The following SORCS1 variants were observed in gnomAD, a reference collection of about 807,000 sequenced individuals.
SORCS1 encodes the protein VPS10 domain-containing receptor SorCS1.
In SORCS1, 60 loss-of-function variants were observed where a neutral mutation model predicts 146.1. The ratio of observed to expected loss-of-function variants is 0.41; its 90% CI spans 0.33 to 0.51. SORCS1 has a LOEUF of 0.51. Among genes scored for constraint, SORCS1 ranks in the 20% least tolerant of loss-of-function variants. SORCS1 has a pLI of 0.21. For missense variants in SORCS1, 1,352 were observed against 1,487.6 expected, an observed-to-expected ratio of 0.91 and a Z score of 1.50; for synonymous variants, 637 against 584.0, an observed-to-expected ratio of 1.09 and a Z score of -1.31.
intron 1 of SORCS1, among the ~76,000 whole-genome samples, chr10:107,056,937 C>T (rs1408952767): frequency 3.9e-5 from 6 of 152,214 alleles, no homozygotes; most frequent in Non-Finnish European, 7.3e-5. Context: ...TTATGCCTGT[C>T]CCCCTTTCAG....
At chr10:106,824,404 A>G (rs1472672225) in intron 3 of SORCS1, among the ~76,000 whole-genome samples, 1 of 151,986 alleles carries the variant, frequency 6.6e-6, no homozygotes, top group African/African-American at 2.4e-5. Flanking sequence ...AGCCTGGCCA[A>G]GATGGTAAAA....
intron 4 of SORCS1, among the ~76,000 whole-genome samples, chr10:106,772,172 G>A (rs1185881059): frequency 2.6e-5 from 4 of 152,162 alleles, no homozygotes; most frequent in Non-Finnish European, 5.9e-5. Flanking sequence ...ATCCTTGGAG[G>A]TGTTGAATAG....
chr10:106,905,423 A>T (rs1951869824), intron 2 of SORCS1, among the ~76,000 whole-genome samples: 1 of 152,208 alleles, frequency 6.6e-6, no homozygotes, highest in Non-Finnish European at 1.5e-5. Context: ...AAATATAATA[A>T]AGAAAAATTT....
At chr10:107,008,465 T>C (rs1957546943) in intron 1 of SORCS1, among the ~76,000 whole-genome samples, 1 of 152,234 alleles carries the variant, frequency 6.6e-6, no homozygotes, top group Non-Finnish European at 1.5e-5. Context: ...TTGTAGCATT[T>C]AAGATAAATG....
intron 2 of SORCS1, among the ~76,000 whole-genome samples, chr10:106,940,081 G>A (rs774906513): frequency 6.6e-6 from 1 of 152,178 alleles, no homozygotes; most frequent in Non-Finnish European, 1.5e-5. Flanking sequence ...CATTAGATAA[G>A]CTTCCAGCAC....
chr10:106,592,710 G>C (rs1175988152), intron 24 of SORCS1, among the ~76,000 whole-genome samples: 2 of 151,718 alleles, frequency 1.3e-5, no homozygotes, highest in Non-Finnish European at 2.9e-5. Context: ...CCTACAGGGG[G>C]GATGAGAGAA....
chr10:107,051,177 T>C (rs757665150), intron 1 of SORCS1, among the ~76,000 whole-genome samples: 25 of 152,064 alleles, frequency 1.6e-4, no homozygotes, highest in African/African-American at 2.2e-4. Flanking sequence ...CACAAGTAAA[T>C]AGAAACAATA....
chr10:107,085,548 A>C (rs535090778), intron 1 of SORCS1, among the ~76,000 whole-genome samples: 1 of 152,312 alleles, frequency 6.6e-6, no homozygotes, highest in African/African-American at 2.4e-5. Context: ...TAACATCCTC[A>C]TTAAAGGCTA....
chr10:106,727,948 G>A (rs748622848), intron 6 of SORCS1, among the ~76,000 whole-genome samples: 11 of 152,234 alleles, frequency 7.2e-5, no homozygotes, highest in Non-Finnish European at 1.5e-4. Flanking sequence ...AGATTAGGCT[G>A]AGGGAATGGG....
At chr10:106,877,705 A>C (rs2137665376) in intron 2 of SORCS1, among the ~76,000 whole-genome samples, 1 of 152,266 alleles carries the variant, frequency 6.6e-6, no homozygotes, top group South Asian at 2.1e-4. Context: ...TCCCTCGGGG[A>C]AGCCACACTC....
intron 3 of SORCS1, among the ~76,000 whole-genome samples, chr10:106,826,229 T>C (rs1589486075): frequency 1.3e-5 from 2 of 152,244 alleles, no homozygotes; most frequent in African/African-American, 4.8e-5. Flanking sequence ...TTTCCGGGAA[T>C]GCTGAGAGTT....
intron 25 of SORCS1, chr10:106,578,921 G>A (rs1036203137): frequency 3.5e-6 from 5 of 1,423,096 alleles, no homozygotes; most frequent in Middle Eastern, 2.6e-4. Flanking sequence ...AGGTTTGTTT[G>A]TTTTTCCCCC....
At chr10:106,818,589 C>G (rs1213450672) in intron 3 of SORCS1, among the ~76,000 whole-genome samples, 1 of 152,142 alleles carries the variant, frequency 6.6e-6, no homozygotes, top group African/African-American at 2.4e-5. Context: ...TAGTCTCGAT[C>G]TCTTGACCTG....
intron 5 of SORCS1, among the ~76,000 whole-genome samples, chr10:106,761,090 G>A (rs891515533): frequency 6.6e-6 from 1 of 152,060 alleles, no homozygotes; most frequent in African/African-American, 2.4e-5. Flanking sequence ...CTGGGTGACA[G>A]AGTGAGACTG....
intron 18 of SORCS1, among the ~76,000 whole-genome samples, chr10:106,648,152 T>C (rs1849591167): frequency 2.0e-5 from 3 of 152,164 alleles, no homozygotes; most frequent in Admixed American, 2.0e-4. Flanking sequence ...ACCATTCCTA[T>C]ATCTACCATT....
At chr10:106,998,676 A>G (rs899913931) in intron 1 of SORCS1, among the ~76,000 whole-genome samples, 1 of 152,236 alleles carries the variant, frequency 6.6e-6, no homozygotes, top group Non-Finnish European at 1.5e-5. Flanking sequence ...TTCTCCAGTA[A>G]ATCAAACTGA....
chr10:106,631,587 G>C (rs193141795), intron 18 of SORCS1, among the ~76,000 whole-genome samples: 7 of 152,272 alleles, frequency 4.6e-5, no homozygotes, highest in Middle Eastern at 3.4e-3. Context: ...ACTAGAGAGG[G>C]GGGAGGACAT....
chr10:107,138,060 CAAT>C (rs1967482030), intron 1 of SORCS1, among the ~76,000 whole-genome samples: 1 of 152,050 alleles, frequency 6.6e-6, no homozygotes, highest in African/African-American at 2.4e-5. Context: ...ATTATTATCA[CAAT>C]AATCACAGCC....
Position 106,917,272 on chromosome 10 carries a change from C to A in SORCS1, c.626+39241G>T, listed in dbSNP as rs554004069. Among the ~76,000 whole-genome samples the A allele has an allele frequency of 7.6e-4, 115 of 152,148 alleles. 1 individual carries two copies. The highest frequency in any genetic ancestry group is 1.5e-3 in the Non-Finnish European group (100 of 68,042). On this transcript the variant is annotated intron_variant, in intron 2 of 25. Coordinates refer to ENST00000263054, the MANE Select transcript of SORCS1 (RefSeq NM_052918.5). ...CTTGTGTTTCTTGATAAACTCTAAG[C>A]TTCTTGAGGACTGGCACTACATCTA...
Sources: allele counts gnomAD v4.1 joint callset (sites outside exome capture counted in the v4.1 genomes callset), GRCh38; gene constraint gnomAD v4.1.1; transcripts MANE v1.5; gene names NCBI Gene and HGNC (gene_info 2026-07-23, HGNC 2026-07-21).